NUP85: variants seen among roughly 807,000 people sequenced by gnomAD.
NUP85 encodes the protein nuclear pore complex protein Nup85.
In NUP85, 23 loss-of-function variants were observed where a neutral mutation model predicts 92.8. That is an observed-to-expected ratio of 0.25 (90% CI 0.18 to 0.35). NUP85 has a LOEUF of 0.35. Ranked by LOEUF, NUP85 falls within the 10% of genes least tolerant of loss-of-function variation. The probability of loss-of-function intolerance (pLI) is 1.00; values close to 1 mark genes in which losing one functional copy is unlikely to be tolerated. For synonymous variants in NUP85, 314 were observed against 306.9 expected (o/e 1.02, Z -0.24); for missense variants, 759 against 822.8 (o/e 0.92, Z 0.95).
At chr17:75,226,742 C>T in intron 11 of NUP85, 1 of 450,860 alleles carries the variant, frequency 2.2e-6, no homozygotes, top group South Asian at 1.6e-5. Context: ...GTTTCCATTT[C>T]AGGGATGTTC....
chr17:75,220,048 G>C (rs2075552185), intron 7 of NUP85, among the ~76,000 whole-genome samples: 1 of 152,084 alleles, frequency 6.6e-6, no homozygotes, highest in African/African-American at 2.4e-5. Flanking sequence ...TACATAGCAG[G>C]GTGACTAACA....
intron 11 of NUP85, chr17:75,228,145 G>A: frequency 1.0e-6 from 1 of 971,076 alleles, no homozygotes; most frequent in Non-Finnish European, 1.2e-6. Flanking sequence ...TAATTTATAA[G>A]CCCTGTATCT....
At chr17:75,234,605 G>A in intron 16 of NUP85, 32 bp from the exon 17 acceptor site, 1 of 1,610,414 alleles carries the variant, frequency 6.2e-7, no homozygotes, top group South Asian at 1.1e-5. Context: ...GGGGGAATAT[G>A]CAGGTTACTC....
chr17:75,206,090 G>C (rs560358022), intron 1 of NUP85, among the ~76,000 whole-genome samples: 13 of 152,160 alleles, frequency 8.5e-5, no homozygotes, highest in African/African-American at 3.1e-4. Flanking sequence ...TTGGGCATTA[G>C]AGTGGGTTCA....
intron 6 of NUP85, 94 bp from the exon 7 acceptor site, chr17:75,218,091 C>A: frequency 1.3e-6 from 2 of 1,541,702 alleles, no homozygotes; most frequent in Non-Finnish European, 8.9e-7. Context: ...ATGTAGTCAG[C>A]TTGTCTGCCT....
At chr17:75,212,109 TGG>T (rs750798763) in intron 4 of NUP85, 47 bp downstream of exon 4, 2 of 1,374,698 alleles carry the variant, frequency 1.5e-6, no homozygotes, top group Admixed American at 1.9e-5. Flanking sequence ...TGTGTGTGTG[TGG>T]GTATTTTGAG....
In NUP85 at chr17:75,231,729, C is replaced by G; in HGVS notation, c.1244+91C>G. ...TGGACTGTTCTCTCCCAGTTGGCTC[C>G]TTGAAGGCTTCGGAAGGGTCAGTGA... On this transcript the variant is annotated intron_variant, in intron 13 of 18. Coordinates refer to ENST00000245544, the MANE Select transcript of NUP85 (RefSeq NM_024844.5). This position sits in a 1 kb window ranked among gnomAD's most constrained non-coding sequence, Gnocchi z 4.6. 1.2e-6 allele frequency: 2 copies of G among 1,604,772 alleles called. No homozygotes were observed. Among genetic ancestry groups the G allele is most frequent in the Non-Finnish European group, 1.7e-6 (2 of 1,172,666 alleles).
intron 16 of NUP85, among the ~76,000 whole-genome samples, chr17:75,234,067 T>G (rs770647652): frequency 1.8e-4 from 27 of 149,710 alleles, no homozygotes; most frequent in Non-Finnish European, 3.8e-4. Flanking sequence ...TTTTTTTTTT[T>G]TTGAGACGGA....
chr17:75,234,598 G>A, intron 16 of NUP85, 39 bp from the exon 17 acceptor site: 1 of 1,607,234 alleles, frequency 6.2e-7, no homozygotes, highest in Non-Finnish European at 8.5e-7. Flanking sequence ...GCAATTTGGG[G>A]GAATATGCAG....
At chr17:75,229,924 A>G (rs1325388055) in intron 11 of NUP85, among the ~76,000 whole-genome samples, 1 of 152,168 alleles carries the variant, frequency 6.6e-6, no homozygotes, top group Non-Finnish European at 1.5e-5. Context: ...TCTGGGTAGC[A>G]ACAGCTGTTT....
rs1268434694 is a variant in NUP85, at chr17:75,233,377, T to TTCTC, written c.1615+223_1615+226dup. Among the ~76,000 whole-genome samples the TTCTC allele has an allele frequency of 7.8e-3, 787 of 101,532 alleles. 9 individuals are homozygous for TTCTC. The highest frequency in any genetic ancestry group is 0.021 in the African/African-American group (747 of 36,308). The allele number at this position is 101,532 out of a possible 152,430, so 66.6% of individuals were successfully genotyped here. Reference sequence around the variant, plus strand: ...TGTTTGTTTGTTTGTTTTTCTTTCTTTCTCTCTTTCTTTCTCTTTCTCTTT... The same window carrying TTCTC: ...TGTTTGTTTGTTTGTTTTTCTTTCTTTCTCTCTCTCTTTCTTTCTCTTTCTCTTT... On this transcript the variant is annotated intron_variant, in intron 16 of 18. Coordinates refer to ENST00000245544, the MANE Select transcript of NUP85 (RefSeq NM_024844.5).
Position 75,233,710 on chromosome 17 carries a change from T to C in NUP85, c.1615+552T>C, listed in dbSNP as rs2076196130. On this transcript the variant is annotated intron_variant, in intron 16 of 18. Transcript: ENST00000245544. ...GCCTCCCGGGTCCAAGCAATTCTCCTGCCTCAGCCTCCCAAGTAGCTGGGA... is the reference window on the plus strand; with the variant it reads ...GCCTCCCGGGTCCAAGCAATTCTCCCGCCTCAGCCTCCCAAGTAGCTGGGA... Among the ~76,000 whole-genome samples, 10 of 151,886 alleles carry C rather than the reference T, an allele frequency of 6.6e-5. No homozygotes were observed. In the South Asian group the frequency reaches 1.9e-3, roughly 28 times the overall value.
rs1358644567 is a variant in NUP85 at position 75,232,732 on chromosome 17, GC to G, written c.1397-116del. 3.5e-6 allele frequency: 3 copies of G among 847,400 alleles called. No homozygotes were observed. The African/African-American group carries it at 5.0e-5, about 14-fold the overall frequency. 52.5% of individuals were successfully genotyped at this position (847,400 alleles called of 1,614,324 possible). A position where few individuals can be genotyped will look rare whatever the true frequency, so the allele number is the denominator to read the frequency against. ...CTCTGCCGATCCAGCTGCATTTAGAGCCCAAAGAGTGGCTCTGCGGTGGAGT... is the reference window on the plus strand; with the variant it reads ...CTCTGCCGATCCAGCTGCATTTAGAGCCAAAGAGTGGCTCTGCGGTGGAGT... On this transcript the variant is annotated intron_variant, in intron 14 of 18. Transcript: ENST00000245544.
rs2075056109 is a variant in NUP85, at chr17:75,205,732, G to A, written c.-30G>A. ...CTGAGCGGGAAGCATTGGCGTCCGA[G>A]CGACTTCTAGGAGCCTGGGGTTCGG... On this transcript the variant is annotated 5_prime_UTR_variant, in exon 1 of 19. Coordinates refer to ENST00000245544, the MANE Select transcript of NUP85 (RefSeq NM_024844.5). 4 of 1,614,126 alleles carry A rather than the reference G, an allele frequency of 2.5e-6. No individual in the cohort carries two copies. In the East Asian group the frequency reaches 6.7e-5, roughly 27 times the overall value.
At chr17:75,215,422 C>G (rs1157875340) in intron 5 of NUP85, among the ~76,000 whole-genome samples, 1 of 152,196 alleles carries the variant, frequency 6.6e-6, no homozygotes, top group Non-Finnish European at 1.5e-5. Flanking sequence ...GTTGCTCAAG[C>G]TGGTCTCAAA....
At chr17:75,233,397 CTCTTTCTCTTTCTT>C (rs1198873222) in intron 16 of NUP85, among the ~76,000 whole-genome samples, 1 of 139,756 alleles carries the variant, frequency 7.2e-6, no homozygotes, top group Non-Finnish European at 1.6e-5. Context: ...CTTTCTCTTT[CTCTTTCTCTTTCTT>C]TCTTTCTTCT....
chr17:75,220,169 G>T (rs1296163846), intron 7 of NUP85, among the ~76,000 whole-genome samples: 2 of 152,104 alleles, frequency 1.3e-5, no homozygotes, highest in Admixed American at 1.3e-4. Context: ...CTGTCACCTA[G>T]GCTGGAGTGC....
At chr17:75,233,387 CTT>C (rs2076160235) in intron 16 of NUP85, among the ~76,000 whole-genome samples, 2 of 19,178 alleles carry the variant, frequency 1.0e-4, no homozygotes, top group Non-Finnish European at 3.9e-4. Context: ...TTCTCTCTTT[CTT>C]TCTCTTTCTC....
intron 17 of NUP85, 153 bp from the exon 18 acceptor site, chr17:75,234,947 A>G: frequency 9.3e-7 from 1 of 1,071,160 alleles, no homozygotes; most frequent in Non-Finnish European, 1.4e-6. Flanking sequence ...TCACACAGGA[A>G]ACAAACACTG....
Sources: allele counts gnomAD v4.1 joint callset (sites outside exome capture counted in the v4.1 genomes callset), GRCh38; gene constraint gnomAD v4.1.1; non-coding constraint Gnocchi (gnomAD v3.1); transcripts MANE v1.5; gene names NCBI Gene and HGNC (gene_info 2026-07-23, HGNC 2026-07-21).